The following COQ8A variants were observed in gnomAD, a reference collection of about 807,000 sequenced individuals.
The protein encoded by COQ8A is coenzyme Q8A.
COQ8A carries 51 observed loss-of-function variants against 65.0 expected under a neutral mutation model. That is an observed-to-expected ratio of 0.78 (90% CI 0.63 to 0.99). The LOEUF (loss-of-function observed/expected upper bound fraction) is 0.99. Among genes scored for constraint, COQ8A ranks in the 50% least tolerant of loss-of-function variants. The pLI is 0.00. For missense variants in COQ8A, 940 were observed against 875.0 expected (o/e 1.07, Z -0.94); for synonymous variants, 371 against 353.2 (o/e 1.05, Z -0.57).
At chr1:226,976,647 TTAG>T (rs1659254180) in intron 4 of COQ8A, among the ~76,000 whole-genome samples, 2 of 152,152 alleles carry the variant, frequency 1.3e-5, no homozygotes, top group Non-Finnish European at 2.9e-5. Flanking sequence ...AGGTGTGGCA[TTAG>T]TGGCACCTTC....
intron 5 of COQ8A, among the ~76,000 whole-genome samples, chr1:226,978,167 A>G (rs1039579542): frequency 5.0e-5 from 7 of 140,250 alleles, no homozygotes; most frequent in African/African-American, 1.9e-4. Flanking sequence ...ACACCCACGC[A>G]CCTTTTTACA....
intron 1 of COQ8A, among the ~76,000 whole-genome samples, chr1:226,941,434 CG>C (rs762598554): frequency 8.5e-5 from 13 of 152,052 alleles, no homozygotes; most frequent in Non-Finnish European, 1.8e-4. Flanking sequence ...GCCTTTCTCC[CG>C]AGGAGAGACA....
chr1:226,975,677 C>G (rs76458154), intron 4 of COQ8A, among the ~76,000 whole-genome samples: 2 of 152,118 alleles, frequency 1.3e-5, no homozygotes, highest in East Asian at 3.9e-4. Flanking sequence ...AATAGAGTCA[C>G]GAGAACAACA....
chr1:226,945,261 G>A (rs1656965052), intron 1 of COQ8A, among the ~76,000 whole-genome samples: 2 of 152,182 alleles, frequency 1.3e-5, no homozygotes, highest in African/African-American at 2.4e-5. Flanking sequence ...GCGCTTGGTG[G>A]CCTTGCTGTT....
At chr1:226,957,108 T>C (rs1426571835) in intron 1 of COQ8A, among the ~76,000 whole-genome samples, 1 of 148,734 alleles carries the variant, frequency 6.7e-6, no homozygotes, top group African/African-American at 2.5e-5. Context: ...TCTCCCTGGC[T>C]CTCACTCTCC....
intron 2 of COQ8A, among the ~76,000 whole-genome samples, chr1:226,962,922 C>A (rs890373153): frequency 7.9e-5 from 12 of 152,342 alleles, no homozygotes; most frequent in Middle Eastern, 6.8e-3. Flanking sequence ...GAATTCTTGT[C>A]CCCTCCCAGC....
intron 5 of COQ8A, among the ~76,000 whole-genome samples, chr1:226,978,107 TCA>T (rs1316612972): frequency 4.5e-5 from 6 of 132,238 alleles, no homozygotes; most frequent in Admixed American, 4.5e-4. Flanking sequence ...CCCGCACACG[TCA>T]CACACCCCCT....
In COQ8A at chr1:226,976,127, T is replaced by C. The variant is rs2989947; in HGVS notation, c.656-1322T>C. Among the ~76,000 whole-genome samples the C allele has an allele frequency of 4.5e-3, 425 of 94,784 alleles. 14 individuals are homozygous for C. The highest frequency in any genetic ancestry group is 6.7e-3 in the Admixed American group (61 of 9,102). The allele number at this position is 94,784 out of a possible 152,430, so 62.2% of individuals were successfully genotyped here. On this transcript the variant is annotated intron_variant, in intron 4 of 14. Coordinates refer to ENST00000366777, the MANE Select transcript of COQ8A (RefSeq NM_020247.5). ...GTGGGACTGCGATGTTGCCTGGCTG[T>C]GGGGCTGCGGGACTGCGGGGCTGTG...
In COQ8A at chr1:226,960,619, G is replaced by A. The variant is rs564124150; in HGVS notation, c.-9-758G>A. ...GGTGGCGGCAGTGGCGGTGGTGATG[G>A]TGGTGGTGGTGGTGGTGGTGGTAGT... On this transcript the variant is annotated intron_variant, in intron 1 of 14. Coordinates refer to ENST00000366777, the MANE Select transcript of COQ8A (RefSeq NM_020247.5). Among the ~76,000 whole-genome samples, 271 of 114,866 alleles carry A rather than the reference G, an allele frequency of 2.4e-3. 1 individual carries two copies. Among genetic ancestry groups the A allele is most frequent in the African/African-American group, 8.6e-3 (265 of 30,748 alleles). The allele number at this position is 114,866 out of a possible 152,430, so 75.4% of individuals were successfully genotyped here. A position where few individuals can be genotyped will look rare whatever the true frequency, so the allele number is the denominator to read the frequency against.
Position 226,983,862 on chromosome 1 carries a change from C to A in COQ8A, c.1256+8C>A. On this transcript the variant is annotated splice_region_variant and intron_variant, in intron 10 of 14. Coordinates refer to ENST00000366777, the MANE Select transcript of COQ8A (RefSeq NM_020247.5). ...CTGTGCCCGCAAGTTCAGGTGTGGC[C>A]CCCGGCCGGGCCCCTTGCGTGTTTG... 3 of 1,601,748 alleles carry A rather than the reference C, an allele frequency of 1.9e-6. No individual in the cohort carries two copies. Among genetic ancestry groups the A allele is most frequent in the Non-Finnish European group, 2.6e-6 (3 of 1,176,218 alleles).
intron 1 of COQ8A, among the ~76,000 whole-genome samples, chr1:226,959,823 T>A (rs1442530526): frequency 1.3e-5 from 2 of 152,238 alleles, no homozygotes; most frequent in Non-Finnish European, 2.9e-5. Flanking sequence ...AGGATGCAAC[T>A]GTTTAGGTAG....
chr1:226,985,142 TG>T, intron 13 of COQ8A, 111 bp from the exon 14 acceptor site: 1 of 1,314,760 alleles, frequency 7.6e-7, no homozygotes, highest in African/African-American at 1.4e-5. Context: ...GGGGGCCCTG[TG>T]CAGGGAGAGG....
In COQ8A at chr1:226,983,540, A is replaced by G. The variant is rs768981236; in HGVS notation, c.1081-12A>G. 2.5e-6 allele frequency: 4 copies of G among 1,613,244 alleles called. No homozygotes were observed. Among genetic ancestry groups the G allele is most frequent in the South Asian group, 2.2e-5 (2 of 91,084 alleles). Reference sequence around the variant, plus strand: ...CTGGGCTAACTCCCCTGCCTCACCCATACCCCCACAGTACCCTGGCGTGGC... The same window carrying G: ...CTGGGCTAACTCCCCTGCCTCACCCGTACCCCCACAGTACCCTGGCGTGGC... On this transcript the variant is annotated splice_polypyrimidine_tract_variant and intron_variant, in intron 8 of 14. Transcript: ENST00000366777.
At chr1:226,983,489 G>T in intron 8 of COQ8A, 63 bp from the exon 9 acceptor site, 6 of 1,488,608 alleles carry the variant, frequency 4.0e-6, no homozygotes, top group Admixed American at 1.7e-5. Context: ...TTGGGGGAGT[G>T]CCCCAGGCAG....
At chr1:226,983,502 C>A in intron 8 of COQ8A, 50 bp from the exon 9 acceptor site, 1 of 1,555,508 alleles carries the variant, frequency 6.4e-7, no homozygotes, top group Non-Finnish European at 8.9e-7. Flanking sequence ...CCAGGCAGGG[C>A]CCACCCGTCT....
At chr1:226,940,799 C>T (rs1210455706) in intron 1 of COQ8A, among the ~76,000 whole-genome samples, 1 of 152,222 alleles carries the variant, frequency 6.6e-6, no homozygotes, top group Non-Finnish European at 1.5e-5. Flanking sequence ...TCTTCACTCC[C>T]AGACCCCCTT....
At chr1:226,968,595 C>G (rs1658697326) in intron 4 of COQ8A, among the ~76,000 whole-genome samples, 1 of 152,112 alleles carries the variant, frequency 6.6e-6, no homozygotes, top group Admixed American at 6.5e-5. Flanking sequence ...AGGTGTTTTT[C>G]AGGTGCAGAC....
At chr1:226,985,897 G>A (rs1360600664) in intron 14 of COQ8A, among the ~76,000 whole-genome samples, 3 of 152,114 alleles carry the variant, frequency 2.0e-5, no homozygotes, top group Non-Finnish European at 2.9e-5. Flanking sequence ...AGCTGTAAGC[G>A]CTCAGCGGGC....
chr1:226,964,900 C>T (rs1442726024), intron 2 of COQ8A, 100 bp from the exon 3 acceptor site: 95 of 1,368,636 alleles, frequency 6.9e-5, no homozygotes, highest in South Asian at 1.3e-4. Context: ...TGGGAGGGGG[C>T]GGGATGCTGG....
Sources: gnomAD v4.1 joint callset for allele counts (sites outside exome capture counted in the v4.1 genomes callset) on GRCh38, gnomAD v4.1.1 for gene constraint, MANE v1.5 for transcripts, NCBI Gene and HGNC (gene_info 2026-07-23, HGNC 2026-07-21) for gene names.